Variants in GALNTL6 observed in about 807,000 individuals in gnomAD.
GALNTL6 encodes polypeptide N-acetylgalactosaminyltransferase like 6.
GALNTL6 carries 46 observed loss-of-function variants against 73.7 expected under a neutral mutation model. The ratio of observed to expected loss-of-function variants is 0.62; its 90% CI spans 0.49 to 0.80. GALNTL6 has a LOEUF of 0.80. Among genes scored for constraint, GALNTL6 ranks in the 30% least tolerant of loss-of-function variants. The pLI is 0.00. For missense variants in GALNTL6, 604 were observed against 755.0 expected (o/e 0.80, Z 2.34); for synonymous variants, 259 against 263.7 (o/e 0.98, Z 0.17).
rs139060171 is a variant in GALNTL6, at chr4:172,983,280, G to A, written c.1372-25898G>A. Among the ~76,000 whole-genome samples, 89 of 152,248 alleles carry A rather than the reference G, an allele frequency of 5.8e-4. 1 individual carries two copies. In the East Asian group the frequency reaches 8.5e-3, roughly 15 times the overall value. ...CTTCTGGAGGAAGCACAGCCCTGCCGACAGCTTGATTTCAGACTTCTGGCC... is the reference window on the plus strand; with the variant it reads ...CTTCTGGAGGAAGCACAGCCCTGCCAACAGCTTGATTTCAGACTTCTGGCC... On this transcript the variant is annotated intron_variant, in intron 10 of 12. Coordinates refer to ENST00000506823, the MANE Select transcript of GALNTL6 (RefSeq NM_001034845.3).
intron 7 of GALNTL6, among the ~76,000 whole-genome samples, chr4:172,825,078 T>TTTCTTTCTTTC (rs1443554939): frequency 9.5e-6 from 1 of 105,626 alleles, no homozygotes; most frequent in Non-Finnish European, 1.9e-5. Flanking sequence ...TTTGGTTATC[T>TTTCTTTCTTTC]TTTCTTTCTT....
At chr4:172,594,558 T>C (rs909357960) in intron 5 of GALNTL6, among the ~76,000 whole-genome samples, 1 of 152,160 alleles carries the variant, frequency 6.6e-6, no homozygotes, top group African/African-American at 2.4e-5. Context: ...TGTTAAATCA[T>C]AGTTATATCT....
chr4:172,649,688 A>AT (rs1560856667), intron 5 of GALNTL6, among the ~76,000 whole-genome samples: 69 of 152,208 alleles, frequency 4.5e-4, no homozygotes, highest in Non-Finnish European at 8.7e-4. Flanking sequence ...TGTATATATA[A>AT]TAAGTTAATT....
chr4:171,958,751 G>A (rs1739129411), intron 2 of GALNTL6, among the ~76,000 whole-genome samples: 1 of 152,040 alleles, frequency 6.6e-6, no homozygotes, highest in Non-Finnish European at 1.5e-5. Context: ...TGTGAAAAAT[G>A]TAATGCATTG....
chr4:172,185,434 G>T (rs1461110567), intron 2 of GALNTL6, among the ~76,000 whole-genome samples: 1 of 152,132 alleles, frequency 6.6e-6, no homozygotes, highest in Non-Finnish European at 1.5e-5. Context: ...CATAAGATCT[G>T]CAACACATAC....
At chr4:172,763,956 G>GTT (rs1279155164) in intron 5 of GALNTL6, among the ~76,000 whole-genome samples, 2 of 85,440 alleles carry the variant, frequency 2.3e-5, no homozygotes, top group African/African-American at 4.5e-5. Context: ...CAAACAAGGT[G>GTT]TATTTTTTTT....
chr4:172,350,246 G>A (rs4692917), intron 5 of GALNTL6, among the ~76,000 whole-genome samples: 86,877 of 151,976 alleles, frequency 0.57, 27,416 homozygotes, highest in South Asian at 0.72. Context: ...TTTTGAACTG[G>A]TGGGTAATAG....
intron 2 of GALNTL6, among the ~76,000 whole-genome samples, chr4:171,960,663 A>T (rs1489700929): frequency 1.3e-5 from 2 of 148,686 alleles, no homozygotes; most frequent in Non-Finnish European, 3.0e-5. Flanking sequence ...TTTTAAAAAA[A>T]CTCAGAGAAA....
At chr4:172,046,700 T>C (rs1273135210) in intron 2 of GALNTL6, among the ~76,000 whole-genome samples, 1 of 152,182 alleles carries the variant, frequency 6.6e-6, no homozygotes, top group Non-Finnish European at 1.5e-5. Flanking sequence ...AGGCCCCTTG[T>C]CATATTAAAA....
chr4:171,844,720 C>T (rs1735326874), intron 2 of GALNTL6, among the ~76,000 whole-genome samples: 1 of 152,068 alleles, frequency 6.6e-6, no homozygotes, highest in African/African-American at 2.4e-5. Context: ...AAAAATGATT[C>T]CCCAAGAACA....
At chr4:172,459,113 C>G (rs1732515686) in intron 5 of GALNTL6, among the ~76,000 whole-genome samples, 1 of 152,096 alleles carries the variant, frequency 6.6e-6, no homozygotes, top group South Asian at 2.1e-4. Flanking sequence ...TGACAAAAAC[C>G]ACATGATTAT....
chr4:172,571,341 T>C (rs1035996621), intron 5 of GALNTL6, among the ~76,000 whole-genome samples: 1 of 152,196 alleles, frequency 6.6e-6, no homozygotes, highest in African/African-American at 2.4e-5. Flanking sequence ...AAATGAACCC[T>C]GCACAGATCT....
At position 172,753,507 on chromosome 4, in the gene GALNTL6, A is replaced by T. The variant is rs996621198; in HGVS notation, c.554-55854A>T. On this transcript the variant is annotated intron_variant, in intron 5 of 12. Transcript: ENST00000506823. Reference sequence around the variant, plus strand: ...AATCTTGGACAATATCACTTGACGAAAAAGTCTTAGGCTTCTTAAACTGAA... The same window carrying T: ...AATCTTGGACAATATCACTTGACGATAAAGTCTTAGGCTTCTTAAACTGAA... 3.3e-5 allele frequency among the ~76,000 whole-genome samples: 5 copies of T among 152,224 alleles called. No individual in the cohort carries two copies. The East Asian group carries it at 9.6e-4, about 29-fold the overall frequency.
chr4:172,709,785 A>G (rs1734581524), intron 5 of GALNTL6, among the ~76,000 whole-genome samples: 1 of 152,154 alleles, frequency 6.6e-6, no homozygotes, highest in African/African-American at 2.4e-5. Context: ...AAATTGAGAC[A>G]ATAGGGTGTT....
chr4:172,601,444 C>T (rs986238186), intron 5 of GALNTL6, among the ~76,000 whole-genome samples: 2 of 152,116 alleles, frequency 1.3e-5, no homozygotes, highest in Non-Finnish European at 1.5e-5. Flanking sequence ...TCTCACATGA[C>T]TGGATAAATC....
intron 2 of GALNTL6, among the ~76,000 whole-genome samples, chr4:171,891,390 G>A (rs546831206): frequency 2.2e-4 from 33 of 152,256 alleles, no homozygotes; most frequent in African/African-American, 6.3e-4. Context: ...ATGCAGCCTT[G>A]AAGAATCTTG....
chr4:172,326,744 AC>A (rs1222617073), intron 4 of GALNTL6, among the ~76,000 whole-genome samples: 1 of 151,870 alleles, frequency 6.6e-6, no homozygotes, highest in East Asian at 1.9e-4. Flanking sequence ...TATTTAGTCT[AC>A]TTTTTTCCTC....
intron 2 of GALNTL6, among the ~76,000 whole-genome samples, chr4:172,009,407 A>G (rs571617341): frequency 6.6e-6 from 1 of 152,040 alleles, no homozygotes; most frequent in African/African-American, 2.4e-5. Context: ...GGTAATGAAG[A>G]TTTTCAAATG....
chr4:172,236,569 A>AAC (rs1252157201), intron 3 of GALNTL6, among the ~76,000 whole-genome samples: 3 of 151,620 alleles, frequency 2.0e-5, no homozygotes, highest in Non-Finnish European at 4.4e-5. Context: ...AAATAAAAAA[A>AAC]AAAAGTATAT....
Sources: allele counts gnomAD v4.1 joint callset (sites outside exome capture counted in the v4.1 genomes callset), GRCh38; gene constraint gnomAD v4.1.1; transcripts MANE v1.5; gene names NCBI Gene and HGNC (gene_info 2026-07-23, HGNC 2026-07-21).